Variants in RELCH observed in about 807,000 individuals in gnomAD.
RELCH encodes the protein RAB11 binding and LisH domain, coiled-coil and HEAT repeat containing.
Under a neutral mutation model 150.3 loss-of-function variants are expected in RELCH, and 41 were observed. That is an observed-to-expected ratio of 0.27 (90% CI 0.21 to 0.35). The LOEUF is 0.35. Among genes scored for constraint, RELCH ranks in the 10% least tolerant of loss-of-function variants. The pLI, the probability that RELCH is intolerant of heterozygous loss-of-function variation, is 1.00. For missense variants in RELCH, 1,092 were observed against 1,467.8 expected, an observed-to-expected ratio of 0.74 and a Z score of 4.18; for synonymous variants, 478 against 531.8, an observed-to-expected ratio of 0.90 and a Z score of 1.39.
chr18:62,229,321 T>C (rs1568348104), intron 8 of RELCH, among the ~76,000 whole-genome samples: 1 of 152,122 alleles, frequency 6.6e-6, no homozygotes, highest in Non-Finnish European at 1.5e-5. Context: ...ATACTTCGTT[T>C]CCTATTAAAT....
At chr18:62,205,649 G>T (rs1370904333) in intron 1 of RELCH, among the ~76,000 whole-genome samples, 1 of 152,160 alleles carries the variant, frequency 6.6e-6, no homozygotes. Context: ...TTCTTAGCTT[G>T]TGCTGAAAGA....
chr18:62,264,027 G>A lies in RELCH; in HGVS notation c.2389G>A (p.Val797Met). The change falls in exon 17 of 29, where the codon GTG (valine) becomes ATG (methionine). Residue 797 changes from valine (V) to methionine (M), a missense_variant. Physicochemically the swap from Val to Met is conservative, Grantham distance 21. Around this residue, in one of 4 missense-constraint regions of RELCH, gnomAD observed 707 missense variants for 1,025.4 expected, o/e 0.69. Transcript: ENST00000644646. ...FPRPMSPLQDVSTIIGSREQL... is the reference protein window; with the variant it reads ...FPRPMSPLQDMSTIIGSREQL... ...TCGGCCTATGTCGCCTCTTCAAGAT[G>A]TGTCCACTATTATCGGAAGTCGTGA... is the stretch of plus-strand genomic sequence containing the variant. 1.2e-6 allele frequency: 2 copies of A among 1,609,238 alleles called. No homozygotes were observed. The highest frequency in any genetic ancestry group is 8.5e-7 in the Non-Finnish European group (1 of 1,177,804).
In RELCH at chr18:62,221,125, T is replaced by A; in HGVS notation, c.688+17T>A. The A allele has an allele frequency of 6.2e-7, 1 of 1,611,830 alleles. No individual in the cohort carries two copies. The highest frequency in any genetic ancestry group is 8.5e-7 in the Non-Finnish European group (1 of 1,178,424). ...AGGCCGCAGGTGGTGTACATAAAAC[T>A]TTTTTGAGACTTTTCAACTTTGACA... On this transcript the variant is annotated intron_variant, in intron 3 of 28. Coordinates refer to ENST00000644646, the MANE Select transcript of RELCH (RefSeq NM_001346231.2).
chr18:62,287,317 G>C, intron 25 of RELCH, 34 bp from the exon 26 acceptor site: 1 of 1,020,430 alleles, frequency 9.8e-7, no homozygotes, highest in Non-Finnish European at 1.6e-6. Context: ...GCATGTTTTG[G>C]GTAAAAATTT....
At chr18:62,217,630 A>G (rs895606296) in intron 2 of RELCH, among the ~76,000 whole-genome samples, 2 of 152,028 alleles carry the variant, frequency 1.3e-5, no homozygotes, top group African/African-American at 4.8e-5. Flanking sequence ...TCAAGTGGGC[A>G]TGTCCAGGAG....
At chr18:62,219,697 A>T (rs1380339014) in intron 2 of RELCH, among the ~76,000 whole-genome samples, 1 of 152,030 alleles carries the variant, frequency 6.6e-6, no homozygotes, top group African/African-American at 2.4e-5. Flanking sequence ...ATAAAGTAAC[A>T]TACGATGTCA....
At chr18:62,239,389 T>C (rs2042031038) in intron 10 of RELCH, among the ~76,000 whole-genome samples, 1 of 151,984 alleles carries the variant, frequency 6.6e-6, no homozygotes, top group African/African-American at 2.4e-5. Context: ...GTTTCCTTTT[T>C]ATATGAACAG....
chr18:62,292,359 C>A (rs1460586632), intron 27 of RELCH, among the ~76,000 whole-genome samples: 3 of 152,130 alleles, frequency 2.0e-5, no homozygotes, highest in Non-Finnish European at 4.4e-5. Flanking sequence ...CCTGTGGCTC[C>A]TGGGACTCCA....
At chr18:62,292,952 C>T (rs2045227395) in intron 27 of RELCH, among the ~76,000 whole-genome samples, 1 of 152,110 alleles carries the variant, frequency 6.6e-6, no homozygotes, top group Admixed American at 6.5e-5. Flanking sequence ...TCGTGTTATT[C>T]TCCTATTAAA....
intron 1 of RELCH, among the ~76,000 whole-genome samples, chr18:62,199,036 AT>A (rs1052594016): frequency 2.5e-4 from 37 of 150,362 alleles, no homozygotes; most frequent in African/African-American, 8.5e-4. Context: ...CATGTGTTAT[AT>A]TTTCTTGAAT....
chr18:62,272,798 AT>A (rs2043975955), intron 20 of RELCH, among the ~76,000 whole-genome samples: 2 of 151,674 alleles, frequency 1.3e-5, no homozygotes, highest in African/African-American at 4.8e-5. Context: ...TATAGCTCTT[AT>A]TTCACATTTA....
chr18:62,190,637 A>T (rs902924049), intron 1 of RELCH, among the ~76,000 whole-genome samples: 1 of 152,182 alleles, frequency 6.6e-6, no homozygotes, highest in African/African-American at 2.4e-5. Flanking sequence ...TATTATCCCC[A>T]GAATTCCTTC....
At chr18:62,269,834 T>C (rs1208129755) in intron 20 of RELCH, among the ~76,000 whole-genome samples, 1 of 152,068 alleles carries the variant, frequency 6.6e-6, no homozygotes, top group African/African-American at 2.4e-5. Flanking sequence ...CCACAGCAAA[T>C]GATGACAGGC....
chr18:62,210,059 GT>G (rs1373780371), intron 1 of RELCH, among the ~76,000 whole-genome samples: 2 of 152,156 alleles, frequency 1.3e-5, no homozygotes, highest in Non-Finnish European at 2.9e-5. Flanking sequence ...AATAGCAGTA[GT>G]TTTGCTTGTT....
At chr18:62,217,785 A>G (rs537862409) in intron 2 of RELCH, among the ~76,000 whole-genome samples, 195 of 152,158 alleles carry the variant, frequency 1.3e-3, no homozygotes, top group African/African-American at 4.5e-3. Flanking sequence ...ATACATGGAT[A>G]AACACCAACT....
intron 5 of RELCH, among the ~76,000 whole-genome samples, chr18:62,225,231 A>T (rs558936696): frequency 2.1e-3 from 316 of 152,084 alleles, no homozygotes; most frequent in African/African-American, 7.2e-3. Flanking sequence ...GATCCTAAAA[A>T]GCTGTAAGGC....
At chr18:62,221,298 A>T in intron 4 of RELCH, 24 bp downstream of exon 4, 3 of 1,581,376 alleles carry the variant, frequency 1.9e-6, no homozygotes, top group Non-Finnish European at 2.6e-6. Context: ...GACAAATGTA[A>T]AATTAATCTT....
chr18:62,196,376 C>T lies in RELCH; in HGVS notation c.526+8345C>T, dbSNP rs556065629. On this transcript the variant is annotated intron_variant, in intron 1 of 28. Coordinates refer to ENST00000644646, the MANE Select transcript of RELCH (RefSeq NM_001346231.2). ...TCCTCAGTAGCTGGGATTACAAGCC[C>T]GCACCACCACACCTGGCTAATTTTT... Among the ~76,000 whole-genome samples, 10 of 152,184 alleles carry T rather than the reference C, an allele frequency of 6.6e-5. No homozygotes were observed. The South Asian group carries it at 2.1e-3, about 32-fold the overall frequency.
chr18:62,209,903 G>A (rs2040052240), intron 1 of RELCH, among the ~76,000 whole-genome samples: 1 of 152,028 alleles, frequency 6.6e-6, no homozygotes, highest in Non-Finnish European at 1.5e-5. Flanking sequence ...TTTTAATTTT[G>A]GATTGTCATT....
Sources: gnomAD v4.1 joint callset for allele counts (sites outside exome capture counted in the v4.1 genomes callset) on GRCh38, gnomAD v4.1.1 for gene constraint, gnomAD v4.1.1 regional missense constraint, MANE v1.5 for transcripts, NCBI Gene and HGNC (gene_info 2026-07-23, HGNC 2026-07-21) for gene names.